Variants in AKAP6 observed in about 807,000 individuals in gnomAD.
AKAP6 encodes A-kinase anchor protein 6.
A neutral mutation model predicts 188.5 loss-of-function variants in AKAP6; 58 were observed. The ratio of observed to expected loss-of-function variants is 0.31; its 90% CI spans 0.25 to 0.38. The LOEUF is 0.38. Ranked by LOEUF, AKAP6 falls within the 10% of genes least tolerant of loss-of-function variation. AKAP6 has a pLI of 1.00. For synonymous variants in AKAP6, 989 were observed against 998.6 expected (o/e 0.99, Z 0.18); for missense variants, 2,710 against 2,740.0 (o/e 0.99, Z 0.24).
chr14:32,633,213 A>T (rs537765305), intron 7 of AKAP6, among the ~76,000 whole-genome samples: 1 of 152,280 alleles, frequency 6.6e-6, no homozygotes, highest in Non-Finnish European at 1.5e-5. Context: ...TGATAAAATC[A>T]TACAGCATAA....
At chr14:32,369,260 A>G (rs560323580) in intron 1 of AKAP6, among the ~76,000 whole-genome samples, 76 of 152,306 alleles carry the variant, frequency 5.0e-4, no homozygotes, top group Middle Eastern at 3.4e-3. Flanking sequence ...ATCTGTTCAC[A>G]ATAGGCAAGG....
chr14:32,796,411 A>G (rs7160337), intron 12 of AKAP6, among the ~76,000 whole-genome samples: 74,698 of 152,028 alleles, frequency 0.49, 18,572 homozygotes, highest in African/African-American at 0.51. Flanking sequence ...AACAGCATGC[A>G]TGGTACTGGT....
chr14:32,364,646 G>T lies in AKAP6; in HGVS notation c.-35+35238G>T, dbSNP rs144051446. Among the ~76,000 whole-genome samples the T allele has an allele frequency of 9.9e-4, 151 of 151,994 alleles. 3 individuals are homozygous for T. The East Asian group carries it at 0.026, about 26-fold the overall frequency. ...AATACTACCCATTTCCTATCTCGGC[G>T]CTGTCCCCTGCCCCGACTGAAGTGT... On this transcript the variant is annotated intron_variant, in intron 1 of 13. Coordinates refer to ENST00000280979, the MANE Select transcript of AKAP6 (RefSeq NM_004274.5).
chr14:32,649,081 C>T (rs926934226), intron 7 of AKAP6, among the ~76,000 whole-genome samples: 1 of 152,000 alleles, frequency 6.6e-6, no homozygotes, highest in Non-Finnish European at 1.5e-5. Flanking sequence ...ATGAAAGAAC[C>T]AGTCTTCGGG....
At chr14:32,419,529 C>T (rs1337676527) in intron 1 of AKAP6, among the ~76,000 whole-genome samples, 5 of 152,100 alleles carry the variant, frequency 3.3e-5, no homozygotes, top group Non-Finnish European at 5.9e-5. Flanking sequence ...TGTGGCTTAA[C>T]GTATTATTTG....
At chr14:32,562,801 A>G (rs1301731973) in intron 4 of AKAP6, among the ~76,000 whole-genome samples, 1 of 152,178 alleles carries the variant, frequency 6.6e-6, no homozygotes, top group African/African-American at 2.4e-5. Context: ...ATAAAGTTTC[A>G]GGCTGGATTC....
At chr14:32,454,914 TCC>T (rs1891105444) in intron 2 of AKAP6, among the ~76,000 whole-genome samples, 1 of 118,202 alleles carries the variant, frequency 8.5e-6, no homozygotes, top group Non-Finnish European at 1.7e-5. Flanking sequence ...TCTCCTTCCC[TCC>T]TTCTCTCCTT....
Position 32,823,394 on chromosome 14 carries a change from G to C in AKAP6, c.5581G>C (p.Gly1861Arg). The C allele has an allele frequency of 6.2e-7, 1 of 1,613,692 alleles. No homozygotes were observed. The highest frequency in any genetic ancestry group is 8.5e-7 in the Non-Finnish European group (1 of 1,179,844). ...GSVKRVSENN[G>R]NGKNSSHTHE... ...TGTAAAACGTGTCTCTGAAAATAAT[G>C]GAAATGGTAAGAATTCATCTCATAC... is the stretch of plus-strand genomic sequence containing the variant. The change falls in exon 13 of 14, where the codon GGA becomes CGA. Residue 1861 changes from glycine (G) to arginine (R), a missense_variant. By Grantham distance (125) the Gly-to-Arg change is moderately radical (BLOSUM62 -2). Around this residue, in one of 2 missense-constraint regions of AKAP6, gnomAD observed 2,473 missense variants for 2,426.1 expected, o/e 1.02. Coordinates refer to ENST00000280979, the MANE Select transcript of AKAP6 (RefSeq NM_004274.5).
At chr14:32,506,010 G>A (rs879921210) in intron 2 of AKAP6, among the ~76,000 whole-genome samples, 1 of 151,748 alleles carries the variant, frequency 6.6e-6, no homozygotes, top group African/African-American at 2.4e-5. Context: ...AAGCGTCGTG[G>A]CATGGACCTG....
At chr14:32,744,926 A>AT (rs947560236) in intron 11 of AKAP6, among the ~76,000 whole-genome samples, 9 of 151,906 alleles carry the variant, frequency 5.9e-5, no homozygotes, top group African/African-American at 1.9e-4. Flanking sequence ...TGCCAACTGC[A>AT]TTTTTTCAGA....
At chr14:32,420,909 T>TTGTCTGTGTGTG in intron 1 of AKAP6, among the ~76,000 whole-genome samples, 1 of 146,520 alleles carries the variant, frequency 6.8e-6, no homozygotes, top group South Asian at 2.3e-4. Context: ...GGAGATTGAT[T>TTGTCTGTGTGTG]TGTGTGTGTG....
At chr14:32,681,677 A>AT (rs34833229) in intron 8 of AKAP6, among the ~76,000 whole-genome samples, 44,359 of 138,220 alleles carry the variant, frequency 0.32, 7,368 homozygotes, top group South Asian at 0.39. Context: ...AATTTGACAA[A>AT]TTTTTTTTTT....
chr14:32,551,773 C>T (rs558930193), intron 4 of AKAP6, among the ~76,000 whole-genome samples: 7 of 151,648 alleles, frequency 4.6e-5, no homozygotes, highest in African/African-American at 1.7e-4. Flanking sequence ...ATTCTCCTGC[C>T]TCTGCCTTCT....
intron 8 of AKAP6, among the ~76,000 whole-genome samples, chr14:32,681,506 T>A (rs1889675409): frequency 6.6e-6 from 1 of 152,076 alleles, no homozygotes; most frequent in African/African-American, 2.4e-5. Context: ...TTCCCCCAAA[T>A]CTGGTGTTGT....
intron 1 of AKAP6, among the ~76,000 whole-genome samples, chr14:32,363,621 G>T (rs996830939): frequency 5.9e-5 from 9 of 152,152 alleles, no homozygotes; most frequent in African/African-American, 2.2e-4. Flanking sequence ...AAAGATGAAG[G>T]CCAGAAGACT....
At chr14:32,547,443 G>A (rs1011505803) in intron 4 of AKAP6, among the ~76,000 whole-genome samples, 1 of 152,094 alleles carries the variant, frequency 6.6e-6, no homozygotes, top group Non-Finnish European at 1.5e-5. Flanking sequence ...ACTTCTTGTA[G>A]AAATAGACCA....
intron 1 of AKAP6, among the ~76,000 whole-genome samples, chr14:32,391,536 C>G (rs1888714950): frequency 6.6e-6 from 1 of 152,164 alleles, no homozygotes; most frequent in South Asian, 2.1e-4. Flanking sequence ...CTTCCCTGAC[C>G]ATTGGGCAAT....
chr14:32,410,165 G>C (rs7158034), intron 1 of AKAP6, among the ~76,000 whole-genome samples: 142,082 of 151,946 alleles, frequency 0.94, 67,039 homozygotes, highest in East Asian at 1. Context: ...TTTTTTCTTT[G>C]CAGATCCAGG....
rs753739079 is a variant in AKAP6, at chr14:32,824,818, A to G, written c.*42+3A>G. ...CATGAAAATCATCTCACTGAAAGGTACGTATAGTCCTCATGCCGTATATGT... is the reference window on the plus strand; with the variant it reads ...CATGAAAATCATCTCACTGAAAGGTGCGTATAGTCCTCATGCCGTATATGT... On this transcript the variant is annotated splice_donor_region_variant and intron_variant, in intron 13 of 13. Coordinates refer to ENST00000280979, the MANE Select transcript of AKAP6 (RefSeq NM_004274.5). 6.4e-7 allele frequency: 1 copy of G among 1,572,088 alleles called. No homozygotes were observed. Among genetic ancestry groups the G allele is most frequent in the South Asian group, 1.2e-5 (1 of 82,224 alleles).
Sources: gnomAD v4.1 joint callset for allele counts (sites outside exome capture counted in the v4.1 genomes callset) on GRCh38, gnomAD v4.1.1 for gene constraint, gnomAD v4.1.1 regional missense constraint, MANE v1.5 for transcripts, NCBI Gene and HGNC (gene_info 2026-07-23, HGNC 2026-07-21) for gene names.